Variants in TNS3 observed in about 807,000 individuals in gnomAD.
The protein encoded by TNS3 is tensin 3.
In TNS3, 45 loss-of-function variants were observed where a neutral mutation model predicts 140.9. The ratio of observed to expected loss-of-function variants is 0.32; its 90% CI spans 0.25 to 0.41. TNS3 has a LOEUF of 0.41. Among genes scored for constraint, TNS3 ranks in the 10% least tolerant of loss-of-function variants. The pLI, the probability that TNS3 is intolerant of heterozygous loss-of-function variation, is 1.00. For synonymous variants in TNS3, 815 were observed against 788.4 expected (o/e 1.03, Z -0.56); for missense variants, 1,716 against 1,906.7 (o/e 0.90, Z 1.86).
intron 10 of TNS3, among the ~76,000 whole-genome samples, chr7:47,421,200 T>A (rs1794355037): frequency 6.6e-6 from 1 of 152,200 alleles, no homozygotes; most frequent in African/African-American, 2.4e-5. Context: ...AGAAAAGAGA[T>A]GTCAGAAACG....
At chr7:47,415,341 G>A in intron 10 of TNS3, 135 bp from the exon 11 acceptor site, 2 of 619,358 alleles carry the variant, frequency 3.2e-6, no homozygotes, top group Non-Finnish European at 5.6e-6. Context: ...ACAGCCAGGG[G>A]TTCTCAGCAT....
chr7:47,392,158 C>A (rs2151299232), intron 16 of TNS3, among the ~76,000 whole-genome samples: 1 of 152,064 alleles, frequency 6.6e-6, no homozygotes. Flanking sequence ...ACAGCAACTA[C>A]CCCAGGGAAC....
intron 8 of TNS3, among the ~76,000 whole-genome samples, chr7:47,434,172 A>G (rs982751942): frequency 4.6e-5 from 7 of 152,210 alleles, no homozygotes; most frequent in African/African-American, 1.7e-4. Flanking sequence ...AACACCATCC[A>G]CAAGCCAGCC....
chr7:47,390,563 T>A (rs1029541594), intron 16 of TNS3, among the ~76,000 whole-genome samples: 1 of 152,106 alleles, frequency 6.6e-6, no homozygotes, highest in Non-Finnish European at 1.5e-5. Flanking sequence ...CATCAAGGTA[T>A]CCACTTAAAG....
At chr7:47,420,668 C>G (rs895233805) in intron 10 of TNS3, among the ~76,000 whole-genome samples, 2 of 152,226 alleles carry the variant, frequency 1.3e-5, no homozygotes, top group African/African-American at 4.8e-5. Flanking sequence ...AAACACCACA[C>G]TTGACCTTCA....
chr7:47,343,261 C>T (rs1331770514), intron 20 of TNS3, among the ~76,000 whole-genome samples: 1 of 152,180 alleles, frequency 6.6e-6, no homozygotes, highest in East Asian at 1.9e-4. Context: ...CACTGGGTAC[C>T]CCACGCTGAG....
At chr7:47,475,414 G>T (rs1464413547) in intron 4 of TNS3, among the ~76,000 whole-genome samples, 1 of 152,246 alleles carries the variant, frequency 6.6e-6, no homozygotes. Flanking sequence ...CTCGGGACCT[G>T]CCCGGAGCTG....
intron 20 of TNS3, among the ~76,000 whole-genome samples, chr7:47,319,200 G>A (rs891967252): frequency 3.3e-5 from 5 of 152,140 alleles, no homozygotes; most frequent in Admixed American, 6.5e-5. Context: ...TTTGGCTCAC[G>A]GTTCTGAAGG....
chr7:47,474,462 CACACACAACACCTCACACAAT>C (rs1797091674), intron 4 of TNS3, among the ~76,000 whole-genome samples: 1 of 151,550 alleles, frequency 6.6e-6, no homozygotes. Context: ...CACTGCAACA[CACACACAACACCTCACACAAT>C]ACACACAACA....
rs117705640 is a variant in TNS3, at chr7:47,292,389, C to T, written c.3851-357G>A. On this transcript the variant is annotated intron_variant, in intron 26 of 30. Transcript: ENST00000311160. ...CATACGGTCACATCGCCCTGACATG[C>T]TGTGGGTGTTATTTAATTTCATTAT... Among the ~76,000 whole-genome samples the T allele has an allele frequency of 1.3e-3, 194 of 152,308 alleles. 2 individuals carry two copies. The East Asian group carries it at 0.034, about 26-fold the overall frequency.
chr7:47,542,473 C>T (rs568940255), intron 1 of TNS3, among the ~76,000 whole-genome samples: 8 of 152,300 alleles, frequency 5.3e-5, no homozygotes, highest in Non-Finnish European at 7.4e-5. Context: ...AGCCTCAGTG[C>T]TCTGAAATTG....
At chr7:47,490,939 G>A (rs1292078209) in intron 3 of TNS3, among the ~76,000 whole-genome samples, 3 of 152,188 alleles carry the variant, frequency 2.0e-5, no homozygotes, top group Admixed American at 1.3e-4. Context: ...CCATCCTTCA[G>A]TGCTCTGTGT....
At chr7:47,288,821 A>T (rs75271857) in intron 27 of TNS3, among the ~76,000 whole-genome samples, 6,096 of 152,266 alleles carry the variant, frequency 0.04, 395 homozygotes, top group African/African-American at 0.14. Flanking sequence ...TTCAACTGCT[A>T]TGTGTGGAAA....
chr7:47,468,976 C>T (rs1796835435), intron 4 of TNS3, among the ~76,000 whole-genome samples: 1 of 152,162 alleles, frequency 6.6e-6, no homozygotes, highest in African/African-American at 2.4e-5. Flanking sequence ...TCAACAAAAA[C>T]AAGCAATGGG....
intron 28 of TNS3, 131 bp from the exon 29 acceptor site, chr7:47,280,485 C>A: frequency 2.3e-6 from 2 of 854,442 alleles, no homozygotes; most frequent in East Asian, 2.5e-5. Context: ...TTACTCATCA[C>A]TTGGAGAGAA....
At chr7:47,546,080 C>A (rs924639486) in intron 1 of TNS3, among the ~76,000 whole-genome samples, 1 of 152,214 alleles carries the variant, frequency 6.6e-6, no homozygotes, top group Non-Finnish European at 1.5e-5. Context: ...GAGCCTCCCC[C>A]AGGAGGCCTG....
At chr7:47,533,432 T>TC (rs1799488244) in intron 1 of TNS3, among the ~76,000 whole-genome samples, 2 of 151,086 alleles carry the variant, frequency 1.3e-5, no homozygotes, top group East Asian at 3.9e-4. Context: ...ACCTGGCCTT[T>TC]TTTTTTTTTT....
intron 16 of TNS3, among the ~76,000 whole-genome samples, chr7:47,376,919 T>C (rs528388872): frequency 2.0e-4 from 31 of 152,318 alleles, no homozygotes; most frequent in Admixed American, 6.5e-4. Flanking sequence ...AGTGCATTTC[T>C]ATCCTCACAG....
At chr7:47,351,354 ATT>A (rs1789661023) in intron 17 of TNS3, among the ~76,000 whole-genome samples, 1 of 152,070 alleles carries the variant, frequency 6.6e-6, no homozygotes, top group Non-Finnish European at 1.5e-5. Context: ...TGACATTCTC[ATT>A]TATAGCGAGC....
Sources: allele counts gnomAD v4.1 joint callset (sites outside exome capture counted in the v4.1 genomes callset), GRCh38; gene constraint gnomAD v4.1.1; transcripts MANE v1.5; gene names NCBI Gene and HGNC (gene_info 2026-07-23, HGNC 2026-07-21).